The following NBEA variants were observed in gnomAD, a reference collection of about 807,000 sequenced individuals.
The protein encoded by NBEA is neurobeachin, also known as lysosomal-trafficking regulator 2.
In NBEA, 44 loss-of-function variants were observed where a neutral mutation model predicts 343.4. That is an observed-to-expected ratio of 0.13 (90% confidence interval 0.10 to 0.16). NBEA has a LOEUF of 0.16. Among genes scored for constraint, NBEA ranks in the 10% least tolerant of loss-of-function variants. The probability of loss-of-function intolerance (pLI) is 1.00; values close to 1 mark genes in which losing one functional copy is unlikely to be tolerated. For synonymous variants in NBEA, 1,175 were observed against 1,238.7 expected (o/e 0.95, Z 1.08); for missense variants, 2,555 against 3,631.3 (o/e 0.70, Z 7.62).
At chr13:35,102,087 G>T (rs2065673825) in intron 11 of NBEA, among the ~76,000 whole-genome samples, 1 of 151,308 alleles carries the variant, frequency 6.6e-6, no homozygotes, top group African/African-American at 2.4e-5. Context: ...AAGGGTCAAG[G>T]TTCTTTTTTT....
chr13:35,281,947 C>G (rs2035079421), intron 34 of NBEA, among the ~76,000 whole-genome samples: 1 of 151,984 alleles, frequency 6.6e-6, no homozygotes, highest in Admixed American at 6.6e-5. Context: ...GAGTCTTACT[C>G]TGTCACCCAG....
At chr13:34,986,752 G>C (rs2060563055) in intron 1 of NBEA, among the ~76,000 whole-genome samples, 1 of 150,958 alleles carries the variant, frequency 6.6e-6, no homozygotes, top group Non-Finnish European at 1.5e-5. Flanking sequence ...AGGATAGTTA[G>C]CTCTTCTTGT....
chr13:35,394,238 G>A (rs1166527541), intron 38 of NBEA, among the ~76,000 whole-genome samples: 1 of 152,064 alleles, frequency 6.6e-6, no homozygotes, highest in African/African-American at 2.4e-5. Flanking sequence ...CTTACTTCTG[G>A]GAACAGACGT....
chr13:35,037,924 C>T (rs1305221192), intron 1 of NBEA, among the ~76,000 whole-genome samples: 2 of 152,188 alleles, frequency 1.3e-5, no homozygotes, highest in Non-Finnish European at 2.9e-5. Flanking sequence ...GTGTCCTTCT[C>T]TTCAGGGTGG....
At chr13:35,572,210 G>A (rs2080469210) in intron 45 of NBEA, among the ~76,000 whole-genome samples, 1 of 152,120 alleles carries the variant, frequency 6.6e-6, no homozygotes, top group Non-Finnish European at 1.5e-5. Context: ...CTTACAACAT[G>A]ATATATGCTA....
At chr13:35,256,725 A>C (rs1016373358) in intron 34 of NBEA, among the ~76,000 whole-genome samples, 4 of 152,022 alleles carry the variant, frequency 2.6e-5, no homozygotes, top group African/African-American at 4.8e-5. Flanking sequence ...AGCACCACCC[A>C]AGCATGTGCA....
chr13:35,084,517 A>G (rs2064620868), intron 10 of NBEA, among the ~76,000 whole-genome samples: 1 of 152,222 alleles, frequency 6.6e-6, no homozygotes, highest in Non-Finnish European at 1.5e-5. Flanking sequence ...ATAAATAAAA[A>G]TGTTCTTTGA....
intron 38 of NBEA, among the ~76,000 whole-genome samples, chr13:35,396,336 T>A (rs1358069273): frequency 6.6e-6 from 1 of 152,192 alleles, no homozygotes; most frequent in Admixed American, 6.6e-5. Context: ...ACTCTGTTTA[T>A]TTCTGCTTTG....
At chr13:35,269,769 A>T (rs886605657) in intron 34 of NBEA, among the ~76,000 whole-genome samples, 2 of 152,168 alleles carry the variant, frequency 1.3e-5, no homozygotes, top group Non-Finnish European at 2.9e-5. Flanking sequence ...ATATAGAGGA[A>T]AAAGAACCAT....
chr13:35,524,848 G>A (rs1185520150), intron 41 of NBEA, among the ~76,000 whole-genome samples: 1 of 152,132 alleles, frequency 6.6e-6, no homozygotes, highest in Non-Finnish European at 1.5e-5. Context: ...GATGTTCCTT[G>A]TCAGCACACA....
intron 33 of NBEA, among the ~76,000 whole-genome samples, chr13:35,226,143 G>A (rs961250339): frequency 5.3e-5 from 8 of 152,190 alleles, no homozygotes; most frequent in African/African-American, 1.7e-4. Context: ...TGAAGGAAAA[G>A]TAATGCAATT....
intron 8 of NBEA, among the ~76,000 whole-genome samples, chr13:35,063,391 T>G (rs1165680454): frequency 6.6e-6 from 1 of 151,840 alleles, no homozygotes; most frequent in Non-Finnish European, 1.5e-5. Flanking sequence ...GGTAAAAAAG[T>G]TGGAAGTTGA....
chr13:35,026,515 A>T (rs1018032378), intron 1 of NBEA, among the ~76,000 whole-genome samples: 1 of 152,084 alleles, frequency 6.6e-6, no homozygotes, highest in African/African-American at 2.4e-5. Flanking sequence ...ATCCATACCC[A>T]TTGCAAATCT....
chr13:35,660,845 C>G (rs1377547656), intron 55 of NBEA, among the ~76,000 whole-genome samples: 1 of 152,184 alleles, frequency 6.6e-6, no homozygotes, highest in East Asian at 1.9e-4. Context: ...AGCAAAGAAT[C>G]TTAGCTAGGA....
chr13:35,664,750 A>C (rs192609337), intron 55 of NBEA, among the ~76,000 whole-genome samples: 114 of 152,364 alleles, frequency 7.5e-4, no homozygotes, highest in Non-Finnish European at 1.4e-3. Flanking sequence ...CCATAAATAC[A>C]TGATGTAACA....
chr13:35,433,306 C>A (rs1218483069), intron 39 of NBEA, among the ~76,000 whole-genome samples: 1 of 152,002 alleles, frequency 6.6e-6, no homozygotes, highest in Non-Finnish European at 1.5e-5. Flanking sequence ...TAAGGAAATA[C>A]CAGTAATGAA....
At chr13:35,006,316 A>G (rs2061317086) in intron 1 of NBEA, among the ~76,000 whole-genome samples, 2 of 152,104 alleles carry the variant, frequency 1.3e-5, no homozygotes, top group South Asian at 4.1e-4. Flanking sequence ...TAGATATTAT[A>G]ACATGCATGT....
intron 34 of NBEA, among the ~76,000 whole-genome samples, chr13:35,232,893 T>C (rs1045605781): frequency 6.6e-6 from 1 of 152,144 alleles, no homozygotes; most frequent in African/African-American, 2.4e-5. Context: ...CTATCAGGGC[T>C]GATGTATATC....
intron 29 of NBEA, among the ~76,000 whole-genome samples, chr13:35,183,003 T>C (rs1409753352): frequency 6.6e-6 from 1 of 152,014 alleles, no homozygotes; most frequent in East Asian, 1.9e-4. Context: ...TGATTTATAA[T>C]CAAACATGTG....
Sources: gnomAD v4.1 joint callset for allele counts (sites outside exome capture counted in the v4.1 genomes callset) on GRCh38, gnomAD v4.1.1 for gene constraint, MANE v1.5 for transcripts, NCBI Gene and HGNC (gene_info 2026-07-23, HGNC 2026-07-21) for gene names.